SPATA24: variants seen among roughly 807,000 people sequenced by gnomAD.
SPATA24 encodes spermatogenesis associated 24.
SPATA24 carries 21 observed loss-of-function variants against 28.9 expected under a neutral mutation model. The observed-to-expected ratio is 0.73, with a 90% CI of 0.52 to 1.05. SPATA24 has a LOEUF of 1.05. SPATA24 is among the 50% of genes least tolerant of loss of function. SPATA24 has a pLI of 0.00. For missense variants in SPATA24, 215 were observed against 242.9 expected (o/e 0.88, Z 0.76); for synonymous variants, 76 against 89.9 (o/e 0.85, Z 0.88).
At chr5:139,394,457 G>A (rs1272331449), downstream of SPATA24, 2 of 1,400,460 alleles carry the variant, frequency 1.4e-6, no homozygotes, top group African/African-American at 1.5e-5. Context: ...AGCTCGATCT[G>A]ACGCTTGGGC....
At chr5:139,398,993 C>A (rs1758767795) in intron 4 of SPATA24, among the ~76,000 whole-genome samples, 1 of 107,242 alleles carries the variant, frequency 9.3e-6, no homozygotes, top group Non-Finnish European at 1.7e-5. Flanking sequence ...CATTGCACTT[C>A]AGCCTGGGTG....
chr5:139,400,468 G>A (rs1394769855), intron 4 of SPATA24, among the ~76,000 whole-genome samples: 2 of 151,828 alleles, frequency 1.3e-5, no homozygotes, highest in Admixed American at 6.6e-5. Context: ...CACTATGCCC[G>A]GGTAATTTTT....
downstream of SPATA24, chr5:139,394,247 G>C (rs1758651599): frequency 6.5e-7 from 1 of 1,547,494 alleles, no homozygotes; most frequent in Non-Finnish European, 8.7e-7. Flanking sequence ...CGGGTCTCAG[G>C]TTCCGACCGC....
downstream of SPATA24, chr5:139,394,463 T>C: frequency 7.1e-7 from 1 of 1,409,536 alleles, no homozygotes; most frequent in South Asian, 1.5e-5. Context: ...ATCTGACGCT[T>C]GGGCACTGTC....
chr5:139,397,950 G>A (rs980381204), intron 4 of SPATA24, among the ~76,000 whole-genome samples: 1 of 152,252 alleles, frequency 6.6e-6, no homozygotes, highest in African/African-American at 2.4e-5. Context: ...ACAAGGACAA[G>A]GATCTTTGTT....
At chr5:139,401,891 C>A in intron 3 of SPATA24, 24 bp downstream of exon 3, 2 of 1,550,850 alleles carry the variant, frequency 1.3e-6, no homozygotes, top group Non-Finnish European at 1.7e-6. Flanking sequence ...CCAAACCCCA[C>A]ACCCCGTACT....
At chr5:139,394,878 C>G, downstream of SPATA24, 1 of 1,518,952 alleles carries the variant, frequency 6.6e-7, no homozygotes, top group Non-Finnish European at 8.8e-7. Context: ...ACAGGCGAGG[C>G]TGCGCGCCCG....
chr5:139,403,932 C>T lies in SPATA24; in HGVS notation c.117+12G>A. 2 of 1,549,956 alleles carry T rather than the reference C, an allele frequency of 1.3e-6. No homozygotes were observed. The highest frequency in any genetic ancestry group is 1.7e-6 in the Non-Finnish European group (2 of 1,145,374). On this transcript the variant is annotated intron_variant, in intron 1 of 5. Coordinates refer to ENST00000450845, the MANE Select transcript of SPATA24 (RefSeq NM_194296.2). ...CGGCCCCGCCTCTCCCCAAACTCCT[C>T]TGGCTGCATACCACGTTCCTCAGCT...
rs371220526 is a variant in SPATA24 at position 139,399,046 on chromosome 5, G to A, written c.386-1903C>T. ...TTCAAAAAAAAAAAAGGCCAGGCGT[G>A]GTGGCTCACGCCTGTAATCCCAGCA... is the stretch of plus-strand genomic sequence containing the variant. On this transcript the variant is annotated intron_variant, in intron 4 of 5. Coordinates refer to ENST00000450845, the MANE Select transcript of SPATA24 (RefSeq NM_194296.2). Among the ~76,000 whole-genome samples the A allele has an allele frequency of 4.1e-5, 2 of 49,156 alleles. 1 individual carries two copies. The highest frequency in any genetic ancestry group is 6.3e-5 in the Non-Finnish European group (2 of 31,554). 32.2% of individuals were successfully genotyped at this position (49,156 alleles called of 152,430 possible).
At chr5:139,394,272 G>T, downstream of SPATA24, 4 of 1,542,620 alleles carry the variant, frequency 2.6e-6, no homozygotes, top group Non-Finnish European at 3.5e-6. Flanking sequence ...TGGACCCGAA[G>T]GTGGCGCTGC....
chr5:139,404,084 G>A lies in SPATA24; in HGVS notation c.-24C>T. 6.5e-7 allele frequency: 1 copy of A among 1,535,092 alleles called. No homozygotes were observed. Among genetic ancestry groups the A allele is most frequent in the Non-Finnish European group, 8.8e-7 (1 of 1,132,848 alleles). On this transcript the variant is annotated 5_prime_UTR_variant, in exon 1 of 6. Coordinates refer to ENST00000450845, the MANE Select transcript of SPATA24 (RefSeq NM_194296.2). Reference sequence around the variant, plus strand: ...ATCTTCCGCCCCCGCCAGCTAGTTGGAAATGGCTGCCTCGGGGGTGATCCT... The same window carrying A: ...ATCTTCCGCCCCCGCCAGCTAGTTGAAAATGGCTGCCTCGGGGGTGATCCT...
chr5:139,398,300 C>T (rs768588513), intron 4 of SPATA24, among the ~76,000 whole-genome samples: 8 of 152,062 alleles, frequency 5.3e-5, no homozygotes, highest in African/African-American at 1.4e-4. Context: ...CCAAATTAAT[C>T]GTACATTTGA....
chr5:139,394,331 C>G (rs888168527), downstream of SPATA24: 4 of 1,452,978 alleles, frequency 2.8e-6, no homozygotes, highest in Non-Finnish European at 3.6e-6. Flanking sequence ...GCCGTCTGCA[C>G]GAAGCCCGCG....
At chr5:139,393,275 A>G (rs895829371), downstream of SPATA24, 72 of 1,549,926 alleles carry the variant, frequency 4.6e-5, no homozygotes, top group East Asian at 1.7e-3. Flanking sequence ...ACTTCCGGGC[A>G]CTTATCCGCG....
chr5:139,396,019 A>C (rs1045747659), downstream of SPATA24, among the ~76,000 whole-genome samples: 5 of 152,146 alleles, frequency 3.3e-5, no homozygotes, highest in Admixed American at 1.3e-4. Flanking sequence ...ATTGTCTTAC[A>C]ACTGTGGGCA....
downstream of SPATA24, chr5:139,394,109 G>A: frequency 1.9e-6 from 3 of 1,548,230 alleles, no homozygotes; most frequent in Non-Finnish European, 2.6e-6. Flanking sequence ...GGCTTGTCGC[G>A]CCGAATCGCG....
chr5:139,402,496 G>C, intron 2 of SPATA24, 132 bp downstream of exon 2: 1 of 769,998 alleles, frequency 1.3e-6, no homozygotes, highest in Non-Finnish European at 2.1e-6. Flanking sequence ...GCCCGCCTTG[G>C]CCTCCCAAAG....
At chr5:139,400,150 A>G (rs2152078865) in intron 4 of SPATA24, among the ~76,000 whole-genome samples, 1 of 152,168 alleles carries the variant, frequency 6.6e-6, no homozygotes, top group African/African-American at 2.4e-5. Context: ...ACTAGGGGAG[A>G]GAGAAGGCTG....
At chr5:139,402,762 C>T (rs1758853346) in intron 1 of SPATA24, 69 bp from the exon 2 acceptor site, 1 of 1,209,148 alleles carries the variant, frequency 8.3e-7, no homozygotes. Flanking sequence ...GGGACCAGGA[C>T]CAAAAGCGGA....
Sources: allele counts gnomAD v4.1 joint callset (sites outside exome capture counted in the v4.1 genomes callset), GRCh38; gene constraint gnomAD v4.1.1; transcripts MANE v1.5; gene names NCBI Gene and HGNC (gene_info 2026-07-23, HGNC 2026-07-21).